RIPOR2: variants seen among roughly 807,000 people sequenced by gnomAD.
RIPOR2 encodes rho family-interacting cell polarization regulator 2.
Under a neutral mutation model 114.5 loss-of-function variants are expected in RIPOR2, and 39 were observed. That is an observed-to-expected ratio of 0.34 (90% CI 0.26 to 0.44). RIPOR2 has a LOEUF of 0.44. Among genes scored for constraint, RIPOR2 ranks in the 20% least tolerant of loss-of-function variants. The pLI is 1.00. For synonymous variants in RIPOR2, 445 were observed against 484.4 expected (o/e 0.92, Z 1.07); for missense variants, 1,007 against 1,255.1 (o/e 0.80, Z 2.99).
chr6:24,993,730 G>T (rs886586875), intron 1 of RIPOR2, among the ~76,000 whole-genome samples: 6 of 152,192 alleles, frequency 3.9e-5, no homozygotes, highest in African/African-American at 9.7e-5. Context: ...TCTGCCAATT[G>T]TTTGCTTGTT....
At chr6:24,823,763 T>C (rs1020404041) in intron 19 of RIPOR2, among the ~76,000 whole-genome samples, 4 of 152,210 alleles carry the variant, frequency 2.6e-5, no homozygotes, top group Non-Finnish European at 4.4e-5. Context: ...TCTTTTTTAT[T>C]TTTTTATTTT....
rs1211569494 is a variant in RIPOR2 at position 24,839,274 on chromosome 6, T to C, written c.1858-2A>G. ...GCTGCGGCTTACTGCTGGCTTGCAC[T>C]GTAAAGGCAGAAGGCACCAGGGAGA... On this transcript the variant is annotated splice_acceptor_variant, in intron 13 of 21. Coordinates refer to ENST00000643898, the MANE Select transcript of RIPOR2 (RefSeq NM_001286445.3). LOFTEE classifies it high-confidence loss of function. The C allele has an allele frequency of 1.3e-6, 2 of 1,551,116 alleles. No individual in the cohort carries two copies. Among genetic ancestry groups the C allele is most frequent in the Middle Eastern group, 1.7e-4 (1 of 5,990 alleles).
intron 1 of RIPOR2, among the ~76,000 whole-genome samples, chr6:25,003,950 T>C (rs989152621): frequency 5.9e-5 from 9 of 152,244 alleles, no homozygotes; most frequent in African/African-American, 2.2e-4. Context: ...TCATTTGTCA[T>C]GTCACTGTGT....
chr6:24,825,276 C>T lies in RIPOR2; in HGVS notation c.2818G>A (p.Val940Met). ...GAGGCTGCTGCCAAGTAAAGCGTCACAGCCTCACTAACTTCGTTGTCCTCT... is the reference window on the plus strand; with the variant it reads ...GAGGCTGCTGCCAAGTAAAGCGTCATAGCCTCACTAACTTCGTTGTCCTCT... ...TREDNEVSEA[V>M]TLYLAAASKN... Residue 940 changes from valine (V) to methionine (M), a missense_variant, in exon 19 of 22, where the codon GTG becomes ATG. Physicochemically the swap from Val to Met is conservative, Grantham distance 21. Coordinates refer to ENST00000643898, the MANE Select transcript of RIPOR2 (RefSeq NM_001286445.3). 6.4e-7 allele frequency: 1 copy of T among 1,551,622 alleles called. No individual in the cohort carries two copies. The highest frequency in any genetic ancestry group is 8.7e-7 in the Non-Finnish European group (1 of 1,146,984).
chr6:24,989,683 C>T (rs990552647), intron 1 of RIPOR2, among the ~76,000 whole-genome samples: 7 of 152,132 alleles, frequency 4.6e-5, no homozygotes, highest in Admixed American at 4.6e-4. Flanking sequence ...CAGTTAAACA[C>T]TATGCAAAGT....
intron 1 of RIPOR2, among the ~76,000 whole-genome samples, chr6:24,957,012 C>T (rs953554184): frequency 6.6e-6 from 1 of 152,178 alleles, no homozygotes; most frequent in African/African-American, 2.4e-5. Context: ...TTTGTTTCTG[C>T]CTCTGTCTTC....
At chr6:25,040,291 T>C (rs1777410782) in intron 1 of RIPOR2, among the ~76,000 whole-genome samples, 1 of 151,932 alleles carries the variant, frequency 6.6e-6, no homozygotes, top group Non-Finnish European at 1.5e-5. Flanking sequence ...AATTTTTGTA[T>C]TTTTAGTAGA....
intron 1 of RIPOR2, among the ~76,000 whole-genome samples, chr6:24,920,518 C>T (rs603510): frequency 0.22 from 34,109 of 152,056 alleles, 5,706 homozygotes; most frequent in African/African-American, 0.47. Context: ...CATTGTATTA[C>T]TGAACTCATG....
At chr6:24,879,917 G>A (rs1250076821) in intron 1 of RIPOR2, among the ~76,000 whole-genome samples, 2 of 152,152 alleles carry the variant, frequency 1.3e-5, no homozygotes, top group African/African-American at 2.4e-5. Context: ...AAATTTTTGG[G>A]TTTTAAAGGC....
chr6:24,859,490 T>C (rs1049795294), intron 8 of RIPOR2, among the ~76,000 whole-genome samples: 11 of 152,142 alleles, frequency 7.2e-5, no homozygotes, highest in Admixed American at 6.5e-4. Context: ...ACCTGCGTGA[T>C]TTTGGAACCA....
At chr6:24,967,994 C>A (rs1406573450) in intron 1 of RIPOR2, among the ~76,000 whole-genome samples, 7 of 150,584 alleles carry the variant, frequency 4.6e-5, no homozygotes, top group Non-Finnish European at 1.0e-4. Flanking sequence ...CTCACTGCAA[C>A]CTCCGCCTCC....
intron 1 of RIPOR2, among the ~76,000 whole-genome samples, chr6:24,935,194 G>A (rs1342272703): frequency 6.6e-6 from 1 of 151,864 alleles, no homozygotes. Flanking sequence ...TGTAGTCCCA[G>A]CTACTTGGGA....
chr6:24,961,633 CT>C (rs70974954), intron 1 of RIPOR2, among the ~76,000 whole-genome samples: 102,094 of 134,354 alleles, frequency 0.76, 41,329 homozygotes, highest in East Asian at 0.94. Flanking sequence ...TTATTCTAAG[CT>C]TTTTTTTTTT....
intron 1 of RIPOR2, among the ~76,000 whole-genome samples, chr6:25,029,055 G>A (rs1776765188): frequency 6.6e-6 from 1 of 152,158 alleles, no homozygotes; most frequent in South Asian, 2.1e-4. Flanking sequence ...TTGGGAGGCC[G>A]AGGCAGGTGG....
chr6:24,995,908 TTC>T lies in RIPOR2; in HGVS notation c.76+45941_76+45942del, dbSNP rs1400272276. Reference sequence around the variant, plus strand: ...AGCTCCGCCTCCCGGGTTCATGCCATTCTCCTGCCTCAGCCTCCCTAGGAGCT... The same window carrying T: ...AGCTCCGCCTCCCGGGTTCATGCCATTCCTGCCTCAGCCTCCCTAGGAGCT... On this transcript the variant is annotated intron_variant, in intron 1 of 13. Coordinates refer to the RIPOR2 transcript ENST00000510784. Among the ~76,000 whole-genome samples, 10 of 151,574 alleles carry T rather than the reference TTC, an allele frequency of 6.6e-5. 1 individual carries two copies. The East Asian group carries it at 9.9e-4, about 15-fold the overall frequency.
chr6:24,896,331 G>A (rs566280007), intron 1 of RIPOR2, among the ~76,000 whole-genome samples: 61 of 152,184 alleles, frequency 4.0e-4, no homozygotes, highest in Non-Finnish European at 4.0e-4. Flanking sequence ...AATGGAAAGT[G>A]CTTAAACAGC....
At chr6:24,892,139 G>A (rs1224583403) in intron 1 of RIPOR2, among the ~76,000 whole-genome samples, 2 of 152,142 alleles carry the variant, frequency 1.3e-5, no homozygotes, top group African/African-American at 2.4e-5. Flanking sequence ...GATTACAGGC[G>A]TAAGCCACAT....
At chr6:24,850,015 G>T in intron 10 of RIPOR2, 65 bp from the exon 11 acceptor site, 3 of 1,395,830 alleles carry the variant, frequency 2.1e-6, no homozygotes, top group Non-Finnish European at 2.0e-6. Flanking sequence ...AGAATAATGT[G>T]TCATTTTTTT....
chr6:24,996,991 T>TCATA (rs1252783291), intron 1 of RIPOR2, among the ~76,000 whole-genome samples: 4 of 152,322 alleles, frequency 2.6e-5, no homozygotes, highest in Admixed American at 1.3e-4. Context: ...TTAGGGGCAA[T>TCATA]CATACATACG....
Sources: gnomAD v4.1 joint callset for allele counts (sites outside exome capture counted in the v4.1 genomes callset) on GRCh38, gnomAD v4.1.1 for gene constraint, MANE v1.5 for transcripts, NCBI Gene and HGNC (gene_info 2026-07-23, HGNC 2026-07-21) for gene names.